PRICKLE1: variants seen among roughly 807,000 people sequenced by gnomAD.
PRICKLE1 encodes the protein prickle-like protein 1.
PRICKLE1 carries 14 observed loss-of-function variants against 70.2 expected under a neutral mutation model. The ratio of observed to expected loss-of-function variants is 0.20; its 90% CI spans 0.13 to 0.31. PRICKLE1 has a LOEUF of 0.31. Ranked by LOEUF, PRICKLE1 falls within the 10% of genes least tolerant of loss-of-function variation. PRICKLE1 has a pLI of 1.00. For synonymous variants in PRICKLE1, 357 were observed against 379.9 expected (o/e 0.94, Z 0.70); for missense variants, 821 against 1,026.2 (o/e 0.80, Z 2.73).
chr12:42,499,982 C>G (rs1475122912), intron 1 of PRICKLE1, among the ~76,000 whole-genome samples: 1 of 152,078 alleles, frequency 6.6e-6, no homozygotes, highest in Non-Finnish European at 1.5e-5. Flanking sequence ...GACTCCTGAC[C>G]TCAAGTGATC....
intron 1 of PRICKLE1, among the ~76,000 whole-genome samples, chr12:42,539,068 T>C (rs1940062395): frequency 6.6e-6 from 1 of 152,204 alleles, no homozygotes; most frequent in Non-Finnish European, 1.5e-5. Flanking sequence ...GAAAATATAA[T>C]GTAATTTGAT....
intron 1 of PRICKLE1, among the ~76,000 whole-genome samples, chr12:42,553,114 G>T (rs371019017): frequency 9.2e-5 from 14 of 152,184 alleles, no homozygotes; most frequent in African/African-American, 3.1e-4. Context: ...CTTAGAATAT[G>T]AATATTTATG....
chr12:42,493,857 A>T (rs1249789586), intron 1 of PRICKLE1, among the ~76,000 whole-genome samples: 1 of 136,910 alleles, frequency 7.3e-6, no homozygotes, highest in African/African-American at 2.6e-5. Context: ...GACCGTGTCT[A>T]AAAAAAAAAA....
chr12:42,482,529 T>G (rs572910117), intron 1 of PRICKLE1, among the ~76,000 whole-genome samples: 1 of 152,218 alleles, frequency 6.6e-6, no homozygotes, highest in Admixed American at 6.5e-5. Context: ...TTGACTCCAA[T>G]GTACACACAG....
chr12:42,499,815 C>A lies in PRICKLE1; in HGVS notation c.-48-27251G>T, dbSNP rs1001984162. Among the ~76,000 whole-genome samples, 23 of 152,114 alleles carry A rather than the reference C, an allele frequency of 1.5e-4. 1 individual carries two copies. Among genetic ancestry groups the A allele is most frequent in the Admixed American group, 6.6e-5 (1 of 15,244 alleles). On this transcript the variant is annotated intron_variant, in intron 1 of 7. Transcript: ENST00000345127. ...TGATCTTGGCTCACTGCAACCTCTGCCTCCCGGGTTCAAGCGATTCTCCTG... is the reference window on the plus strand; with the variant it reads ...TGATCTTGGCTCACTGCAACCTCTGACTCCCGGGTTCAAGCGATTCTCCTG...
chr12:42,470,442 T>G, intron 2 of PRICKLE1, 83 bp from the exon 3 acceptor site: 1 of 973,092 alleles, frequency 1.0e-6, no homozygotes, highest in Middle Eastern at 2.1e-4. Flanking sequence ...TACCTTTCCC[T>G]AGGTACAGGG....
chr12:42,565,239 GA>G (rs1940602182), intron 1 of PRICKLE1, among the ~76,000 whole-genome samples: 1 of 152,176 alleles, frequency 6.6e-6, no homozygotes, highest in South Asian at 2.1e-4. Flanking sequence ...ATCAGCTCTG[GA>G]AGTTTTAAAA....
intron 1 of PRICKLE1, among the ~76,000 whole-genome samples, chr12:42,527,916 AATATATATATATAT>A (rs1163552624): frequency 0.026 from 513 of 19,930 alleles, 22 homozygotes; most frequent in East Asian, 0.054. Context: ...TACTCTTTAT[AATATATATATATAT>A]ATATATATAT....
chr12:42,506,263 T>G (rs553818410), intron 1 of PRICKLE1, among the ~76,000 whole-genome samples: 5 of 146,660 alleles, frequency 3.4e-5, no homozygotes, highest in Non-Finnish European at 3.0e-5. Flanking sequence ...TTCTTTCTTT[T>G]TTTTTTTTTT....
intron 1 of PRICKLE1, among the ~76,000 whole-genome samples, chr12:42,546,301 GACAAAA>G (rs1940211318): frequency 6.6e-6 from 1 of 152,118 alleles, no homozygotes; most frequent in African/African-American, 2.4e-5. Flanking sequence ...ATCAATCACA[GACAAAA>G]TTATGTTATA....
intron 1 of PRICKLE1, among the ~76,000 whole-genome samples, chr12:42,486,296 C>T (rs955536764): frequency 6.6e-6 from 1 of 152,202 alleles, no homozygotes; most frequent in Non-Finnish European, 1.5e-5. Flanking sequence ...TTGTCTTTCT[C>T]CTTTCCTAGA....
intron 5 of PRICKLE1, among the ~76,000 whole-genome samples, chr12:42,468,233 C>T (rs1333572847): frequency 6.6e-6 from 1 of 152,206 alleles, no homozygotes; most frequent in Non-Finnish European, 1.5e-5. Context: ...TCTTTCCATA[C>T]CTTTTCTGAG....
chr12:42,527,246 T>C (rs200661518), intron 1 of PRICKLE1, among the ~76,000 whole-genome samples: 1 of 150,644 alleles, frequency 6.6e-6, no homozygotes, highest in Admixed American at 6.7e-5. Context: ...GATTCTCCTG[T>C]CTCAGCCTCC....
intron 1 of PRICKLE1, among the ~76,000 whole-genome samples, chr12:42,494,859 T>C (rs1439510168): frequency 6.6e-6 from 1 of 150,532 alleles, no homozygotes; most frequent in East Asian, 1.9e-4. Flanking sequence ...GATTATGAGA[T>C]TGCAGCAATT....
chr12:42,516,258 A>G (rs1004142727), intron 1 of PRICKLE1, among the ~76,000 whole-genome samples: 3 of 151,946 alleles, frequency 2.0e-5, no homozygotes. Flanking sequence ...CAGCCTCCCG[A>G]GTAGCTGGGA....
intron 1 of PRICKLE1, among the ~76,000 whole-genome samples, chr12:42,549,074 G>A (rs1046189322): frequency 1.3e-5 from 2 of 148,674 alleles, no homozygotes; most frequent in African/African-American, 2.5e-5. Flanking sequence ...AGCTGAGATC[G>A]GGCCACTGCA....
chr12:42,518,543 C>T (rs1050671337), intron 1 of PRICKLE1, among the ~76,000 whole-genome samples: 2 of 152,172 alleles, frequency 1.3e-5, no homozygotes, highest in Non-Finnish European at 2.9e-5. Flanking sequence ...CTGACACTAA[C>T]AACAGCTGCC....
At chr12:42,480,183 C>A (rs1938742644) in intron 1 of PRICKLE1, among the ~76,000 whole-genome samples, 1 of 152,102 alleles carries the variant, frequency 6.6e-6, no homozygotes, top group South Asian at 2.1e-4. Flanking sequence ...TGTTTTGATC[C>A]CTGCTACCTG....
At chr12:42,475,859 G>T (rs1296481568) in intron 1 of PRICKLE1, among the ~76,000 whole-genome samples, 1 of 20,810 alleles carries the variant, frequency 4.8e-5, no homozygotes, top group Non-Finnish European at 9.8e-5. Flanking sequence ...TTGGGAGGCT[G>T]GGGGGGGGCG....
Sources: gnomAD v4.1 joint callset for allele counts (sites outside exome capture counted in the v4.1 genomes callset) on GRCh38, gnomAD v4.1.1 for gene constraint, MANE v1.5 for transcripts, NCBI Gene and HGNC (gene_info 2026-07-23, HGNC 2026-07-21) for gene names.